CFAP206: variants seen among roughly 807,000 people sequenced by gnomAD.
CFAP206 encodes the protein cilia and flagella associated protein 206.
CFAP206 carries 53 observed loss-of-function variants against 65.4 expected under a neutral mutation model. That is an observed-to-expected ratio of 0.81 (90% CI 0.65 to 1.02). The LOEUF (loss-of-function observed/expected upper bound fraction) is 1.02. Among genes scored for constraint, CFAP206 ranks in the 50% least tolerant of loss-of-function variants. CFAP206 has a pLI of 0.00. For synonymous variants in CFAP206, 250 were observed against 254.4 expected (o/e 0.98, Z 0.17); for missense variants, 663 against 753.2 (o/e 0.88, Z 1.40).
intron 11 of CFAP206, among the ~76,000 whole-genome samples, chr6:87,450,769 C>G (rs950463617): frequency 1.1e-4 from 16 of 151,930 alleles, no homozygotes; most frequent in African/African-American, 3.9e-4. Context: ...AAACATCATA[C>G]CAAGGAAAGA....
intron 7 of CFAP206, among the ~76,000 whole-genome samples, chr6:87,420,032 A>G (rs76842875): frequency 0.04 from 6,140 of 152,272 alleles, 418 homozygotes; most frequent in African/African-American, 0.14. Flanking sequence ...AGCTTTGGCT[A>G]TGCCACTGCA....
intron 7 of CFAP206, among the ~76,000 whole-genome samples, chr6:87,422,919 C>T (rs1414168997): frequency 6.6e-6 from 1 of 151,894 alleles, no homozygotes; most frequent in Non-Finnish European, 1.5e-5. Flanking sequence ...GGGGAGGGGT[C>T]TAGAGTATTT....
intron 7 of CFAP206, among the ~76,000 whole-genome samples, chr6:87,424,003 T>C (rs1480972635): frequency 6.6e-6 from 1 of 152,306 alleles, no homozygotes; most frequent in East Asian, 1.9e-4. Context: ...TGCACCTTTT[T>C]CTCTTCAAAT....
chr6:87,420,372 G>T (rs13217485), intron 7 of CFAP206, among the ~76,000 whole-genome samples: 54,735 of 152,086 alleles, frequency 0.36, 11,195 homozygotes, highest in African/African-American at 0.56. Flanking sequence ...CTCATAGCTT[G>T]CAATCATGAA....
intron 7 of CFAP206, among the ~76,000 whole-genome samples, chr6:87,424,605 A>T (rs905268479): frequency 6.6e-6 from 1 of 152,198 alleles, no homozygotes; most frequent in Non-Finnish European, 1.5e-5. Context: ...TTCAGTGTTT[A>T]GCAACTTATT....
intron 11 of CFAP206, among the ~76,000 whole-genome samples, chr6:87,449,456 A>AT (rs1288691027): frequency 6.6e-6 from 1 of 151,398 alleles, no homozygotes; most frequent in Non-Finnish European, 1.5e-5. Flanking sequence ...AAAAAAAAAA[A>AT]AAAAAGAGTT....
chr6:87,410,912 G>T (rs910541833), intron 3 of CFAP206, among the ~76,000 whole-genome samples: 1 of 152,122 alleles, frequency 6.6e-6, no homozygotes, highest in Non-Finnish European at 1.5e-5. Context: ...CCTGCCTCTA[G>T]GCAGAAAGAA....
chr6:87,410,503 AAC>A, intron 2 of CFAP206, 80 bp from the exon 3 acceptor site: 1 of 1,060,204 alleles, frequency 9.4e-7, no homozygotes, highest in East Asian at 2.4e-5. Context: ...AAAAAATGGA[AAC>A]ATATTAAGCT....
At chr6:87,411,689 T>C (rs1282025449) in intron 3 of CFAP206, among the ~76,000 whole-genome samples, 1 of 152,266 alleles carries the variant, frequency 6.6e-6, no homozygotes, top group Admixed American at 6.5e-5. Flanking sequence ...TTAATTTTTG[T>C]ATATGGTGAG....
At chr6:87,417,928 C>T (rs1394562278) in intron 6 of CFAP206, among the ~76,000 whole-genome samples, 4 of 151,616 alleles carry the variant, frequency 2.6e-5, no homozygotes, top group South Asian at 2.1e-4. Flanking sequence ...TTAGTAGAGA[C>T]GGGGTTTCAC....
rs372646296 is a variant in CFAP206 at position 87,422,100 on chromosome 6, T to A, written c.840+3684T>A. Reference sequence around the variant, plus strand: ...ATGCTTTTGCCAAACATTTGAATGTTATGATAAAATTTTTTTAAGTGATAG... The same window carrying A: ...ATGCTTTTGCCAAACATTTGAATGTAATGATAAAATTTTTTTAAGTGATAG... On this transcript the variant is annotated intron_variant, in intron 7 of 12. Coordinates refer to ENST00000369562, the MANE Select transcript of CFAP206 (RefSeq NM_001031743.3). Among the ~76,000 whole-genome samples, 6 of 152,148 alleles carry A rather than the reference T, an allele frequency of 3.9e-5. No individual in the cohort carries two copies. The East Asian group carries it at 1.2e-3, about 29-fold the overall frequency.
Position 87,408,033 on chromosome 6 carries a change from T to C in CFAP206, c.-62T>C. Reference sequence around the variant, plus strand: ...CGCCCAACTGCTCCGACCGTCGCGGTGAGGGCCCCAGGACAGAAGCAGACA... The same window carrying C: ...CGCCCAACTGCTCCGACCGTCGCGGCGAGGGCCCCAGGACAGAAGCAGACA... On this transcript the variant is annotated 5_prime_UTR_variant, in exon 1 of 13. Transcript: ENST00000369562. 1.0e-6 allele frequency: 1 copy of C among 985,368 alleles called. No individual in the cohort carries two copies. The highest frequency in any genetic ancestry group is 4.7e-5 in the South Asian group (1 of 21,280). 61.0% of individuals were successfully genotyped at this position (985,368 alleles called of 1,614,324 possible). A position where few individuals can be genotyped will look rare whatever the true frequency, so the allele number is the denominator to read the frequency against.
intron 11 of CFAP206, chr6:87,435,346 T>C: frequency 4.2e-6 from 1 of 236,312 alleles, no homozygotes; most frequent in East Asian, 1.1e-4. Flanking sequence ...GTATCTGAAA[T>C]TGGAGGAGCT....
intron 7 of CFAP206, among the ~76,000 whole-genome samples, chr6:87,420,202 A>C (rs117447633): frequency 0.015 from 2,243 of 152,318 alleles, 36 homozygotes; most frequent in Non-Finnish European, 0.021. Flanking sequence ...GGGATTTTGT[A>C]ATCAATTTAT....
chr6:87,432,220 T>C (rs1051930480), intron 10 of CFAP206, among the ~76,000 whole-genome samples: 1 of 152,196 alleles, frequency 6.6e-6, no homozygotes, highest in Admixed American at 6.5e-5. Context: ...AAAATAACTA[T>C]TGGGATTGTG....
At chr6:87,418,141 C>A in intron 6 of CFAP206, 67 bp from the exon 7 acceptor site, 1 of 1,403,430 alleles carries the variant, frequency 7.1e-7, no homozygotes, top group East Asian at 2.3e-5. Context: ...TAACTACTTT[C>A]TAGGCTTCTT....
intron 4 of CFAP206, among the ~76,000 whole-genome samples, chr6:87,414,889 A>G (rs1321461630): frequency 6.6e-6 from 1 of 152,236 alleles, no homozygotes; most frequent in East Asian, 1.9e-4. Context: ...AATTTAACCT[A>G]TAGATTTTTA....
chr6:87,413,793 G>A lies in CFAP206; in HGVS notation c.193-17G>A, dbSNP rs1182489186. On this transcript the variant is annotated splice_polypyrimidine_tract_variant and intron_variant, in intron 3 of 12. Transcript: ENST00000369562. ...AAAAACTATAACTAGAAGTATTCAT[G>A]GGACATTCTTTTCTAGCTTTGTATG... 2 of 1,433,504 alleles carry A rather than the reference G, an allele frequency of 1.4e-6. No individual in the cohort carries two copies. The allele number at this position is 1,433,504 out of a possible 1,614,324, so 88.8% of individuals were successfully genotyped here. A position where few individuals can be genotyped will look rare whatever the true frequency, so the allele number is the denominator to read the frequency against.
chr6:87,454,498 A>T (rs1323876416), intron 11 of CFAP206, among the ~76,000 whole-genome samples: 1 of 152,198 alleles, frequency 6.6e-6, no homozygotes, highest in African/African-American at 2.4e-5. Context: ...AAGAAATCTT[A>T]AAAATATCAA....
Sources: allele counts gnomAD v4.1 joint callset (sites outside exome capture counted in the v4.1 genomes callset), GRCh38; gene constraint gnomAD v4.1.1; transcripts MANE v1.5; gene names NCBI Gene and HGNC (gene_info 2026-07-23, HGNC 2026-07-21).